Variants in EHBP1 observed in about 807,000 individuals in gnomAD.
The protein encoded by EHBP1 is EH domain binding protein 1, also known as EH domain-binding protein 1.
A neutral mutation model predicts 144.0 loss-of-function variants in EHBP1; 55 were observed. The observed-to-expected ratio is 0.38, with a 90% CI of 0.31 to 0.48. The LOEUF (loss-of-function observed/expected upper bound fraction) is 0.48. Among genes scored for constraint, EHBP1 ranks in the 20% least tolerant of loss-of-function variants. The pLI is 0.98. For synonymous variants in EHBP1, 469 were observed against 472.7 expected (o/e 0.99, Z 0.10); for missense variants, 1,200 against 1,364.2 (o/e 0.88, Z 1.90).
At chr2:62,865,682 A>G (rs547919247) in intron 9 of EHBP1, among the ~76,000 whole-genome samples, 1 of 152,362 alleles carries the variant, frequency 6.6e-6, no homozygotes, top group South Asian at 2.1e-4. Flanking sequence ...TATATGAAAC[A>G]ATAGGATTCA....
chr2:63,035,356 C>G (rs971736120), intron 19 of EHBP1, among the ~76,000 whole-genome samples: 7 of 151,900 alleles, frequency 4.6e-5, no homozygotes, highest in Admixed American at 2.0e-4. Flanking sequence ...TATTGTTAGG[C>G]TTATTTCCTT....
At chr2:62,716,956 A>AG (rs1558540013) in intron 2 of EHBP1, among the ~76,000 whole-genome samples, 1 of 152,132 alleles carries the variant, frequency 6.6e-6, no homozygotes, top group South Asian at 2.1e-4. Context: ...TTGTAGCAAC[A>AG]GGGGTCTCAC....
intron 10 of EHBP1, among the ~76,000 whole-genome samples, chr2:62,917,939 C>T (rs1211614492): frequency 6.6e-6 from 1 of 151,804 alleles, no homozygotes; most frequent in African/African-American, 2.4e-5. Context: ...CTTTGTCGCC[C>T]AGGCTGGAGT....
intron 14 of EHBP1, among the ~76,000 whole-genome samples, chr2:62,966,056 C>T (rs1176663305): frequency 2.0e-5 from 3 of 152,160 alleles, no homozygotes; most frequent in African/African-American, 7.2e-5. Flanking sequence ...TACCACAATA[C>T]TAAATATACA....
chr2:62,993,656 G>A lies in EHBP1; in HGVS notation c.2860G>A (p.Glu954Lys). Reference protein sequence around the residue: ...TQLQSFSQYIENRPEMKRQRS... With the variant: ...TQLQSFSQYIKNRPEMKRQRS... ...ACTTCAGTCTTTCAGCCAATATATT[G>A]AGAATAGACCAGGTAGAACACTTTT... is the stretch of plus-strand genomic sequence containing the variant. The change falls in exon 17 of 23, where the codon GAG (glutamate) becomes AAG (lysine). Residue 954 changes from glutamate to lysine, a missense_variant. Glu to Lys is a moderately conservative substitution (Grantham distance 56). This residue lies in a region of EHBP1 where 543 missense variants were observed against 513.1 expected (regional missense o/e 1.06). Coordinates refer to ENST00000431489, the MANE Select transcript of EHBP1 (RefSeq NM_001142616.3). The A allele has an allele frequency of 6.2e-7, 1 of 1,601,944 alleles. No homozygotes were observed. Among genetic ancestry groups the A allele is most frequent in the Non-Finnish European group, 8.5e-7 (1 of 1,173,230 alleles).
In EHBP1 at chr2:62,764,296, C is replaced by T. The variant is rs1382035954; in HGVS notation, c.193C>T (p.Pro65Ser). 2 of 1,570,824 alleles carry T rather than the reference C, an allele frequency of 1.3e-6. No homozygotes were observed. Among genetic ancestry groups the T allele is most frequent in the Non-Finnish European group, 1.7e-6 (2 of 1,160,970 alleles). Reference protein sequence around the residue: ...AHSWQPGIKNPYRGVVVWPVP... With the variant: ...AHSWQPGIKNSYRGVVVWPVP... ...TAGCTGGCAACCTGGAATAAAAAAT[C>T]CCTATCGTGGTGTTGTTGTGTGGCC... The change falls in exon 4 of 23, where the codon CCC (proline) becomes TCC (serine). Residue 65 changes from proline to serine, a missense_variant. Physicochemically the swap from Pro to Ser is moderately conservative, Grantham distance 74. This residue lies in a region of EHBP1 where 137 missense variants were observed against 190.1 expected (regional missense o/e 0.72). Transcript: ENST00000431489.
intron 19 of EHBP1, among the ~76,000 whole-genome samples, chr2:63,028,182 C>T (rs2061068420): frequency 6.6e-6 from 1 of 152,160 alleles, no homozygotes; most frequent in East Asian, 1.9e-4. Flanking sequence ...AGACATTCCA[C>T]AATGTTTACC....
chr2:62,907,452 T>A (rs1172105644), intron 10 of EHBP1, among the ~76,000 whole-genome samples: 3 of 152,218 alleles, frequency 2.0e-5, no homozygotes, highest in African/African-American at 7.2e-5. Flanking sequence ...ACTGGTTGGC[T>A]TAAACAGCAG....
intron 2 of EHBP1, among the ~76,000 whole-genome samples, chr2:62,746,429 A>G (rs1321547147): frequency 6.6e-6 from 1 of 152,002 alleles, no homozygotes; most frequent in Non-Finnish European, 1.5e-5. Flanking sequence ...ATAGGAGGAA[A>G]GGTTATCTGC....
At chr2:62,881,023 G>A (rs1169465989) in intron 10 of EHBP1, among the ~76,000 whole-genome samples, 4 of 146,828 alleles carry the variant, frequency 2.7e-5, no homozygotes, top group Non-Finnish European at 6.1e-5. Context: ...TAATGAAAAT[G>A]TGGTATATAT....
At chr2:62,866,204 A>C (rs2050021774) in intron 9 of EHBP1, among the ~76,000 whole-genome samples, 1 of 152,258 alleles carries the variant, frequency 6.6e-6, no homozygotes, top group Admixed American at 6.5e-5. Flanking sequence ...TTCTAGGCCT[A>C]CCTAACAAAG....
At chr2:62,722,234 C>T (rs376047467) in intron 2 of EHBP1, among the ~76,000 whole-genome samples, 30 of 151,748 alleles carry the variant, frequency 2.0e-4, no homozygotes, top group Non-Finnish European at 3.7e-4. Context: ...TGGGTTCAGG[C>T]GATTCTCCTG....
At chr2:62,777,579 T>TTTTG (rs899026708) in intron 5 of EHBP1, among the ~76,000 whole-genome samples, 2 of 152,102 alleles carry the variant, frequency 1.3e-5, no homozygotes, top group Non-Finnish European at 2.9e-5. Context: ...ACTGGTAGTT[T>TTTTG]TTTGTTTGTT....
At chr2:62,795,545 C>T (rs2043478535) in intron 5 of EHBP1, among the ~76,000 whole-genome samples, 1 of 151,874 alleles carries the variant, frequency 6.6e-6, no homozygotes, top group Non-Finnish European at 1.5e-5. Context: ...TCCACTGTAC[C>T]CACCACTGTT....
At chr2:62,893,714 G>A (rs1438804800) in intron 10 of EHBP1, among the ~76,000 whole-genome samples, 1 of 152,082 alleles carries the variant, frequency 6.6e-6, no homozygotes, top group Non-Finnish European at 1.5e-5. Flanking sequence ...GTTTGGAGGT[G>A]GGTATAGGTG....
In EHBP1 at chr2:62,874,401, C is replaced by A. The variant is rs2050720175; in HGVS notation, c.1054C>A (p.Pro352Thr). Residue 352 changes from proline (P) to threonine (T), a missense_variant, in exon 10 of 23, where the codon CCT becomes ACT. Physicochemically the swap from Pro to Thr is conservative, Grantham distance 38. This residue lies in a region of EHBP1 where 266 missense variants were observed against 262.4 expected (regional missense o/e 1.01). Coordinates refer to ENST00000431489, the MANE Select transcript of EHBP1 (RefSeq NM_001142616.3). ...TCCTCCTCCAAATAATTTGGTAAAT[C>A]CTGTTCAAGAACTAGAAACTGAAAG... is the stretch of plus-strand genomic sequence containing the variant. ...STPPPNNLVN[P>T]VQELETERRV... The A allele has an allele frequency of 9.9e-6, 16 of 1,613,072 alleles. No homozygotes were observed. The highest frequency in any genetic ancestry group is 1.3e-5 in the Non-Finnish European group (15 of 1,179,468).
chr2:62,689,066 A>AT (rs1558509590), intron 1 of EHBP1, among the ~76,000 whole-genome samples: 1 of 152,172 alleles, frequency 6.6e-6, no homozygotes, highest in East Asian at 1.9e-4. Flanking sequence ...GAAGCCTGTT[A>AT]TTTTTTAATA....
intron 15 of EHBP1, among the ~76,000 whole-genome samples, chr2:62,989,239 C>A (rs560840674): frequency 6.6e-4 from 101 of 152,114 alleles, no homozygotes; most frequent in Middle Eastern, 6.8e-3. Flanking sequence ...TACTCACCTT[C>A]CCACCATAAC....
intron 19 of EHBP1, among the ~76,000 whole-genome samples, chr2:63,020,804 G>A (rs2060710627): frequency 6.6e-6 from 1 of 151,416 alleles, no homozygotes; most frequent in South Asian, 2.1e-4. Context: ...TCAGCCTCCT[G>A]AGTAGCTGGG....
Sources: gnomAD v4.1 joint callset for allele counts (sites outside exome capture counted in the v4.1 genomes callset) on GRCh38, gnomAD v4.1.1 for gene constraint, gnomAD v4.1.1 regional missense constraint, MANE v1.5 for transcripts, NCBI Gene and HGNC (gene_info 2026-07-23, HGNC 2026-07-21) for gene names.